Variants in LPAR1 observed in about 807,000 individuals in gnomAD.
The protein encoded by LPAR1 is LPA receptor 1.
LPAR1 carries 5 observed loss-of-function variants against 23.8 expected under a neutral mutation model. The ratio of observed to expected loss-of-function variants is 0.21; its 90% CI spans 0.11 to 0.44. LPAR1 has a LOEUF of 0.44. Among genes scored for constraint, LPAR1 ranks in the 20% least tolerant of loss-of-function variants. LPAR1 has a pLI of 0.99. For missense variants in LPAR1, 311 were observed against 482.8 expected, an observed-to-expected ratio of 0.64 and a Z score of 3.33; for synonymous variants, 160 against 164.7, an observed-to-expected ratio of 0.97 and a Z score of 0.22.
At position 111,003,763 on chromosome 9, in the gene LPAR1, G is replaced by A. The variant is rs192648467; in HGVS notation, c.-181-30205C>T. 3.0e-4 allele frequency among the ~76,000 whole-genome samples: 45 copies of A among 152,228 alleles called. 1 individual carries two copies. The East Asian group carries it at 7.0e-3, about 24-fold the overall frequency. ...ATGAAAACCAAACCATTCTTTGTGG[G>A]AGTTAAGGGGAGATGGTGCAGCCAC... On this transcript the variant is annotated intron_variant, in intron 2 of 5. Transcript: ENST00000683809.
chr9:110,972,397 C>T (rs1275411290), intron 3 of LPAR1, among the ~76,000 whole-genome samples, 177 bp from the exon 4 acceptor site: 2 of 152,162 alleles, frequency 1.3e-5, no homozygotes, highest in Non-Finnish European at 2.9e-5. Context: ...TCTGTGCTAT[C>T]TGTCCAAATA....
intron 5 of LPAR1, among the ~76,000 whole-genome samples, chr9:110,907,585 C>G (rs1423942713): frequency 6.6e-6 from 1 of 152,084 alleles, no homozygotes; most frequent in African/African-American, 2.4e-5. Context: ...TTCATTAATT[C>G]TATATTCTCT....
At chr9:110,928,373 C>T (rs2094181253) in intron 5 of LPAR1, among the ~76,000 whole-genome samples, 1 of 152,130 alleles carries the variant, frequency 6.6e-6, no homozygotes, top group South Asian at 2.1e-4. Flanking sequence ...TCTCACTACG[C>T]TAATATAACA....
intron 4 of LPAR1, among the ~76,000 whole-genome samples, chr9:110,971,594 T>C (rs945886228): frequency 6.6e-6 from 1 of 152,144 alleles, no homozygotes; most frequent in Non-Finnish European, 1.5e-5. Context: ...GTTTCTGGAA[T>C]TGCATTTTGT....
intron 2 of LPAR1, among the ~76,000 whole-genome samples, chr9:110,986,870 C>T (rs2096793622): frequency 6.6e-6 from 1 of 152,106 alleles, no homozygotes. Flanking sequence ...AAAATCAATA[C>T]TGAGTGCTTG....
rs369646186 is a variant in LPAR1 at position 110,894,057 on chromosome 9, TA to T, written c.794-18336del. ...ATTAAAAATGTTTTTAAAATAATAA[TA>T]AAACCTTTATTAAACATTATTTACC... On this transcript the variant is annotated intron_variant, in intron 5 of 5. Coordinates refer to ENST00000683809, the MANE Select transcript of LPAR1 (RefSeq NM_001351411.2). 8.7e-4 allele frequency among the ~76,000 whole-genome samples: 132 copies of T among 152,264 alleles called. 1 individual carries two copies. The highest frequency in any genetic ancestry group is 3.1e-3 in the African/African-American group (127 of 41,540).
intron 2 of LPAR1, among the ~76,000 whole-genome samples, chr9:111,000,001 A>G (rs181687871): frequency 3.3e-4 from 50 of 152,256 alleles, no homozygotes; most frequent in African/African-American, 1.2e-3. Context: ...GTGTGAGTCA[A>G]CACACCGACT....
chr9:110,922,479 C>A (rs2135227234), intron 5 of LPAR1, among the ~76,000 whole-genome samples: 1 of 152,224 alleles, frequency 6.6e-6, no homozygotes, highest in Admixed American at 6.5e-5. Flanking sequence ...CAGTGCCCAA[C>A]AGGTGCATAC....
intron 5 of LPAR1, among the ~76,000 whole-genome samples, chr9:110,908,925 GACC>G (rs2091910224): frequency 6.6e-6 from 1 of 152,114 alleles, no homozygotes; most frequent in Admixed American, 6.5e-5. Context: ...CATAGAAATT[GACC>G]TTTTTTGTCT....
At chr9:110,940,168 A>C (rs2094995484) in intron 5 of LPAR1, among the ~76,000 whole-genome samples, 1 of 152,220 alleles carries the variant, frequency 6.6e-6, no homozygotes, top group African/African-American at 2.4e-5. Flanking sequence ...AGTGATCCCA[A>C]GGCTTAGTTG....
intron 5 of LPAR1, among the ~76,000 whole-genome samples, chr9:110,940,356 T>C (rs191314372): frequency 6.6e-6 from 1 of 152,110 alleles, no homozygotes; most frequent in African/African-American, 2.4e-5. Context: ...ATTCCCAGAG[T>C]TTCAGAGGAG....
chr9:110,902,401 T>C lies in LPAR1; in HGVS notation c.794-26679A>G, dbSNP rs77867993. On this transcript the variant is annotated intron_variant, in intron 5 of 5. Coordinates refer to ENST00000683809, the MANE Select transcript of LPAR1 (RefSeq NM_001351411.2). Reference sequence around the variant, plus strand: ...TCATGCTGTTCTTGTGATAGTAAGTTATCACGACATCTGATGGGTTTATAA... The same window carrying C: ...TCATGCTGTTCTTGTGATAGTAAGTCATCACGACATCTGATGGGTTTATAA... Among the ~76,000 whole-genome samples, 1,459 of 152,208 alleles carry C rather than the reference T, an allele frequency of 9.6e-3. 18 individuals are homozygous for C. Among genetic ancestry groups the C allele is most frequent in the African/African-American group, 0.032 (1,314 of 41,520 alleles).
chr9:110,946,677 A>AAT (rs1017779689), intron 4 of LPAR1, among the ~76,000 whole-genome samples: 5 of 151,312 alleles, frequency 3.3e-5, no homozygotes, highest in African/African-American at 1.2e-4. Context: ...GAAAAAAATA[A>AAT]ATACACACAC....
At chr9:111,029,239 C>A (rs1428564323) in intron 2 of LPAR1, among the ~76,000 whole-genome samples, 1 of 152,194 alleles carries the variant, frequency 6.6e-6, no homozygotes, top group African/African-American at 2.4e-5. Flanking sequence ...CAACTGACTT[C>A]TCAGCTAAAC....
chr9:110,908,729 C>G (rs2091862307), intron 5 of LPAR1, among the ~76,000 whole-genome samples: 1 of 152,064 alleles, frequency 6.6e-6, no homozygotes, highest in Admixed American at 6.6e-5. Flanking sequence ...CTGGAAAGAA[C>G]TATATTGAAG....
At chr9:111,022,501 A>C (rs1318234945) in intron 2 of LPAR1, among the ~76,000 whole-genome samples, 2 of 152,174 alleles carry the variant, frequency 1.3e-5, no homozygotes, top group Non-Finnish European at 2.9e-5. Flanking sequence ...CAAGGTAAAA[A>C]AAACAAAAAT....
intron 5 of LPAR1, among the ~76,000 whole-genome samples, chr9:110,883,737 C>T (rs1305991607): frequency 4.6e-5 from 7 of 152,184 alleles, no homozygotes; most frequent in Non-Finnish European, 1.0e-4. Flanking sequence ...TTTATTACAG[C>T]AGAAGCATGC....
At chr9:110,958,402 T>C (rs1442785696) in intron 4 of LPAR1, among the ~76,000 whole-genome samples, 1 of 152,132 alleles carries the variant, frequency 6.6e-6, no homozygotes, top group African/African-American at 2.4e-5. Flanking sequence ...TGGAACAGAA[T>C]AGAAAACACA....
chr9:110,882,552 C>T (rs1470613614), intron 5 of LPAR1, among the ~76,000 whole-genome samples: 2 of 152,224 alleles, frequency 1.3e-5, no homozygotes, highest in African/African-American at 4.8e-5. Context: ...TTCCTACACA[C>T]TTTTGAAGGT....
Sources: gnomAD v4.1 joint callset for allele counts (sites outside exome capture counted in the v4.1 genomes callset) on GRCh38, gnomAD v4.1.1 for gene constraint, MANE v1.5 for transcripts, NCBI Gene and HGNC (gene_info 2026-07-23, HGNC 2026-07-21) for gene names.